Variants in ADAMTS2 observed in about 807,000 individuals in gnomAD.
ADAMTS2 encodes A disintegrin and metalloproteinase with thrombospondin motifs 2.
ADAMTS2 carries 50 observed loss-of-function variants against 123.0 expected under a neutral mutation model. That is an observed-to-expected ratio of 0.41 (90% confidence interval 0.32 to 0.51). ADAMTS2 has a LOEUF of 0.51. ADAMTS2 is among the 20% of genes least tolerant of loss of function. ADAMTS2 has a pLI of 0.35. For missense variants in ADAMTS2, 1,494 were observed against 1,705.2 expected, an observed-to-expected ratio of 0.88 and a Z score of 2.18; for synonymous variants, 678 against 695.4, an observed-to-expected ratio of 0.98 and a Z score of 0.39.
chr5:179,208,140 G>T (rs1764757375), intron 3 of ADAMTS2, among the ~76,000 whole-genome samples: 2 of 101,476 alleles, frequency 2.0e-5, no homozygotes, highest in Non-Finnish European at 5.5e-5. Context: ...AGTGGGCAGA[G>T]CCACCCCTTG....
chr5:179,226,246 TTCTTTCTTC>T (rs142160129), intron 3 of ADAMTS2, among the ~76,000 whole-genome samples: 31,475 of 149,668 alleles, frequency 0.21, 4,324 homozygotes, highest in Non-Finnish European at 0.29. Flanking sequence ...CTTCCTTTCT[TTCTTTCTTC>T]TCTTTCTTCT....
rs1211185556 is a variant in ADAMTS2, at chr5:179,112,547, C to T, written c.*1320G>A. 6.6e-6 allele frequency: 1 copy of T among 152,208 alleles called. No individual in the cohort carries two copies. The highest frequency in any genetic ancestry group is 1.5e-5 in the Non-Finnish European group (1 of 68,050). 9.4% of individuals were successfully genotyped at this position (152,208 alleles called of 1,614,324 possible). A position where few individuals can be genotyped will look rare whatever the true frequency, so the allele number is the denominator to read the frequency against. ...GACAATGTAGGCTCTCCCCATCTCCCACCCTAAGCCCCCATCAGAGGCCAC... is the reference window on the plus strand; with the variant it reads ...GACAATGTAGGCTCTCCCCATCTCCTACCCTAAGCCCCCATCAGAGGCCAC... On this transcript the variant is annotated 3_prime_UTR_variant, in exon 22 of 22. Coordinates refer to ENST00000251582, the MANE Select transcript of ADAMTS2 (RefSeq NM_014244.5).
At chr5:179,280,251 G>A (rs2113527445) in intron 2 of ADAMTS2, among the ~76,000 whole-genome samples, 1 of 152,282 alleles carries the variant, frequency 6.6e-6, no homozygotes, top group South Asian at 2.1e-4. Flanking sequence ...ACAGTCACAT[G>A]CCCAGCGAGG....
rs1040107707 is a variant in ADAMTS2, at chr5:179,234,361, C to A, written c.689-26646G>T. The stretch of plus-strand genomic sequence containing the variant: ...CAGAGAGAAGTGGAGGCTGCACCCC[C>A]ACAGGAAGTGGGGCCCAGTCCACCG... On this transcript the variant is annotated intron_variant, in intron 3 of 21. Coordinates refer to ENST00000251582, the MANE Select transcript of ADAMTS2 (RefSeq NM_014244.5). The surrounding 1 kb of genome is among the most constrained non-coding windows in gnomAD (Gnocchi z 4.7). 1.3e-5 allele frequency among the ~76,000 whole-genome samples: 2 copies of A among 152,288 alleles called. No individual in the cohort carries two copies. Among genetic ancestry groups the A allele is most frequent in the African/African-American group, 4.8e-5 (2 of 41,546 alleles).
intron 18 of ADAMTS2, 93 bp from the exon 19 acceptor site, chr5:179,125,273 G>A: frequency 1.7e-6 from 2 of 1,189,862 alleles, no homozygotes; most frequent in Non-Finnish European, 2.5e-6. Flanking sequence ...AGCCCAGGTA[G>A]ACAGCGAGCA....
At chr5:179,143,410 G>C (rs910230283) in intron 10 of ADAMTS2, among the ~76,000 whole-genome samples, 1 of 147,472 alleles carries the variant, frequency 6.8e-6, no homozygotes, top group Admixed American at 6.7e-5. Flanking sequence ...TCCAGGCTGG[G>C]TAACAGAGAC....
At chr5:179,137,491 A>C (rs1763084849) in intron 12 of ADAMTS2, among the ~76,000 whole-genome samples, 1 of 152,268 alleles carries the variant, frequency 6.6e-6, no homozygotes, top group Non-Finnish European at 1.5e-5. Context: ...GGTGAACTGC[A>C]GGAGCCCGGC....
chr5:179,158,831 C>T lies in ADAMTS2; in HGVS notation c.1024G>A (p.Val342Ile). The T allele has an allele frequency of 6.2e-7, 1 of 1,614,222 alleles. No homozygotes were observed. Among genetic ancestry groups the T allele is most frequent in the African/African-American group, 1.3e-5 (1 of 75,072 alleles). The part of the protein sequence containing the change: ...IGNPSQSLEN[V>I]CRWAYLQQKP... ...TGCTGGAGGTAGGCCCAGCGGCAGA[C>T]ATTCTCCAGGCTCTGAGAGGGGTTC... Residue 342 changes from valine (V) to isoleucine (I), a missense_variant, in exon 6 of 22, where the codon GTC becomes ATC. Physicochemically the swap from Val to Ile is conservative, Grantham distance 29. Coordinates refer to ENST00000251582, the MANE Select transcript of ADAMTS2 (RefSeq NM_014244.5). This position sits in a 1 kb window ranked among gnomAD's most constrained non-coding sequence, Gnocchi z 5.0.
chr5:179,330,625 C>T (rs403488), intron 2 of ADAMTS2, among the ~76,000 whole-genome samples: 1 of 152,068 alleles, frequency 6.6e-6, no homozygotes, highest in Non-Finnish European at 1.5e-5. Context: ...CCCAGCGCTG[C>T]GCACCCTCCA....
Position 179,343,896 on chromosome 5 carries a change from G to A in ADAMTS2, c.405C>T (p.Ala135=), listed in dbSNP as rs749177926. The A allele has an allele frequency of 4.4e-6, 7 of 1,603,828 alleles. No individual in the cohort carries two copies. The highest frequency in any genetic ancestry group is 5.9e-6 in the Non-Finnish European group (7 of 1,176,694). Residue 135 remains alanine (A), a synonymous_variant, in exon 2 of 22, where the codon GCC becomes GCT. Coordinates refer to ENST00000251582, the MANE Select transcript of ADAMTS2 (RefSeq NM_014244.5). ...RPNARLVAPG[A]TMEWQGEKGT... is the part of the protein sequence containing the mutation. Reference sequence around the variant, plus strand: ...CCTTCTCGCCCTGCCACTCCATAGTGGCCCCGGGCGCCACGAGGCGGGCGT... The same window carrying A: ...CCTTCTCGCCCTGCCACTCCATAGTAGCCCCGGGCGCCACGAGGCGGGCGT...
At chr5:179,279,991 C>T (rs1421576511) in intron 2 of ADAMTS2, among the ~76,000 whole-genome samples, 1 of 152,254 alleles carries the variant, frequency 6.6e-6, no homozygotes, top group Non-Finnish European at 1.5e-5. Context: ...CCCGTCCTTC[C>T]TCTTGGAGAG....
intron 5 of ADAMTS2, among the ~76,000 whole-genome samples, chr5:179,161,337 G>A (rs1581161493): frequency 6.6e-6 from 1 of 152,192 alleles, no homozygotes; most frequent in Non-Finnish European, 1.5e-5. Flanking sequence ...ATGTGATTCG[G>A]TGCTAGAGCG....
Position 179,344,120 on chromosome 5 carries a change from G to C in ADAMTS2, c.181C>G (p.Pro61Ala). 1 of 1,607,496 alleles carries C rather than the reference G, an allele frequency of 6.2e-7. No homozygotes were observed. ...GHGAERILAVPVRTDAQGRLV... is the reference protein window; with the variant it reads ...GHGAERILAVAVRTDAQGRLV... ...CGGCCCTGGGCGTCAGTGCGCACGG[G>C]CACCGCCAGGATGCGCTCCGCTCCG... is the stretch of plus-strand genomic sequence containing the variant. The change falls in exon 2 of 22, where the codon CCC (proline) becomes GCC (alanine). Residue 61 changes from proline (P) to alanine (A), a missense_variant. Around this residue, in one of 6 missense-constraint regions of ADAMTS2, gnomAD observed 237 missense variants for 233.7 expected, o/e 1.01. Coordinates refer to ENST00000251582, the MANE Select transcript of ADAMTS2 (RefSeq NM_014244.5).
intron 3 of ADAMTS2, among the ~76,000 whole-genome samples, chr5:179,223,559 CACACGCGAA>C (rs1765193647): frequency 3.3e-5 from 5 of 151,120 alleles, no homozygotes; most frequent in South Asian, 2.1e-4. Context: ...TGCACTCACA[CACACGCGAA>C]TGCACTCGCA....
chr5:179,169,221 G>C (rs1763768158), intron 5 of ADAMTS2, among the ~76,000 whole-genome samples: 1 of 152,230 alleles, frequency 6.6e-6, no homozygotes, highest in South Asian at 2.1e-4. Flanking sequence ...AAAGAAGCCT[G>C]AGGGAGCCTG....
At chr5:179,292,989 C>T (rs1196643207) in intron 2 of ADAMTS2, among the ~76,000 whole-genome samples, 1 of 152,170 alleles carries the variant, frequency 6.6e-6, no homozygotes, top group Non-Finnish European at 1.5e-5. Context: ...CTACGCTGGC[C>T]GGTCCCCTGG....
chr5:179,256,708 G>A lies in ADAMTS2; in HGVS notation c.688+16203C>T, dbSNP rs1386304654. On this transcript the variant is annotated intron_variant, in intron 3 of 21. Coordinates refer to ENST00000251582, the MANE Select transcript of ADAMTS2 (RefSeq NM_014244.5). The surrounding 1 kb of genome is among the most constrained non-coding windows in gnomAD (Gnocchi z 4.1). ...TTCGCCCATCCAGAGGAGGCACAGA[G>A]CCTCCCACCCAGTGCTGCTGGCAGG... Among the ~76,000 whole-genome samples the A allele has an allele frequency of 6.6e-6, 1 of 152,206 alleles. No homozygotes were observed. Among genetic ancestry groups the A allele is most frequent in the Non-Finnish European group, 1.5e-5 (1 of 68,034 alleles).
chr5:179,251,186 G>C (rs185327169), intron 3 of ADAMTS2, among the ~76,000 whole-genome samples: 24 of 152,248 alleles, frequency 1.6e-4, no homozygotes, highest in Non-Finnish European at 1.6e-4. Context: ...CCTAGAAACA[G>C]AGTTCTTTCC....
At position 179,314,798 on chromosome 5, in the gene ADAMTS2, C is replaced by T. The variant is rs766890141; in HGVS notation, c.534+28969G>A. Among the ~76,000 whole-genome samples the T allele has an allele frequency of 1.8e-4, 27 of 152,166 alleles. No homozygotes were observed. Among genetic ancestry groups the T allele is most frequent in the Non-Finnish European group, 3.5e-4 (24 of 68,022 alleles). On this transcript the variant is annotated intron_variant, in intron 2 of 21. Transcript: ENST00000251582. This position sits in a 1 kb window ranked among gnomAD's most constrained non-coding sequence, Gnocchi z 4.5. Reference sequence around the variant, plus strand: ...CTCTACTCCAGCAGACCTCCACCTACAGACAGGAGTCTTGGGCACACACTT... The same window carrying T: ...CTCTACTCCAGCAGACCTCCACCTATAGACAGGAGTCTTGGGCACACACTT...
Sources: gnomAD v4.1 joint callset for allele counts (sites outside exome capture counted in the v4.1 genomes callset) on GRCh38, gnomAD v4.1.1 for gene constraint, gnomAD v4.1.1 regional missense constraint, Gnocchi (gnomAD v3.1) non-coding constraint, MANE v1.5 for transcripts, NCBI Gene and HGNC (gene_info 2026-07-23, HGNC 2026-07-21) for gene names.